The following ACACB variants were observed in gnomAD, a reference collection of about 807,000 sequenced individuals.
ACACB encodes acetyl-CoA carboxylase 2.
Under a neutral mutation model 278.8 loss-of-function variants are expected in ACACB, and 209 were observed. The ratio of observed to expected loss-of-function variants is 0.75; its 90% CI spans 0.67 to 0.84. ACACB has a LOEUF of 0.84. ACACB is among the 40% of genes least tolerant of loss of function. ACACB has a pLI of 0.00. For missense variants in ACACB, 2,850 were observed against 3,269.0 expected (o/e 0.87, Z 3.13); for synonymous variants, 1,174 against 1,285.6 (o/e 0.91, Z 1.86).
chr12:109,167,280 TAA>T, intron 3 of ACACB: 1 of 274,148 alleles, frequency 3.6e-6, no homozygotes, highest in Non-Finnish European at 6.9e-6. Flanking sequence ...ACCAAAGGAA[TAA>T]AAAAAAAATC....
chr12:109,249,349 C>A (rs1319961314), intron 40 of ACACB: 2 of 152,188 alleles, frequency 1.3e-5, no homozygotes, highest in African/African-American at 4.8e-5. Flanking sequence ...GATATTTCAG[C>A]TTTTATCTGT....
intron 1 of ACACB, among the ~76,000 whole-genome samples, chr12:109,133,901 G>GTT (rs36101609): frequency 7.5e-5 from 7 of 93,196 alleles, no homozygotes; most frequent in African/African-American, 2.9e-4. Flanking sequence ...CAGCACACAG[G>GTT]TTTTTTTTTT....
At chr12:109,122,159 A>G (rs536617886) in intron 1 of ACACB, among the ~76,000 whole-genome samples, 17 of 152,326 alleles carry the variant, frequency 1.1e-4, no homozygotes, top group African/African-American at 3.6e-4. Context: ...GGGTGCAGTG[A>G]GCAATCATTG....
chr12:109,235,292 T>C (rs1473175856), intron 31 of ACACB, 21 bp from the exon 32 acceptor site: 2 of 1,607,714 alleles, frequency 1.2e-6, no homozygotes, highest in Non-Finnish European at 1.7e-6. Context: ...TATTCCATTG[T>C]GTCTTTGGTT....
intron 11 of ACACB, among the ~76,000 whole-genome samples, chr12:109,180,630 ATTTTTGTTTTTG>A (rs2044433910): frequency 1.3e-5 from 2 of 151,424 alleles, no homozygotes; most frequent in Admixed American, 6.6e-5. Context: ...GGTGCAAGAG[ATTTTTGTTTTTG>A]TTTTTGTTTT....
At chr12:109,266,116 C>G in intron 52 of ACACB, 120 bp from the exon 53 acceptor site, 3 of 1,298,068 alleles carry the variant, frequency 2.3e-6, no homozygotes, top group Non-Finnish European at 3.1e-6. Flanking sequence ...ATGGGGACCA[C>G]AGCAGGGACT....
rs778737669 is a variant in ACACB, at chr12:109,222,829, G to A, written c.3709G>A (p.Glu1237Lys). 4 of 1,613,440 alleles carry A rather than the reference G, an allele frequency of 2.5e-6. No individual in the cohort carries two copies. The highest frequency in any genetic ancestry group is 2.2e-5 in the East Asian group (1 of 44,832). Reference sequence around the variant, plus strand: ...GATTGCCTCCCACCTCCCCTCCTACGAGCTGCGGCATAACCAGGTGGAGTC... The same window carrying A: ...GATTGCCTCCCACCTCCCCTCCTACAAGCTGCGGCATAACCAGGTGGAGTC... ...ILIASHLPSY[E>K]LRHNQVESIF... The change falls in exon 26 of 53, where the codon GAG (glutamate) becomes AAG (lysine). Residue 1237 changes from glutamate to lysine, a missense_variant. Around this residue, in one of 3 missense-constraint regions of ACACB, gnomAD observed 2,265 missense variants for 2,561.3 expected, o/e 0.88. Transcript: ENST00000338432.
intron 12 of ACACB, among the ~76,000 whole-genome samples, chr12:109,187,602 G>A (rs1303923093): frequency 4.6e-5 from 7 of 152,020 alleles, no homozygotes; most frequent in South Asian, 2.1e-4. Context: ...TGGGACTACA[G>A]GTGTGTGCCA....
At chr12:109,159,949 G>A (rs2043669753) in intron 2 of ACACB, among the ~76,000 whole-genome samples, 2 of 151,886 alleles carry the variant, frequency 1.3e-5, no homozygotes, top group African/African-American at 4.8e-5. Context: ...AATTAGCCAG[G>A]CATGGTGGCA....
At chr12:109,169,636 T>C (rs2044041724) in intron 4 of ACACB, among the ~76,000 whole-genome samples, 2 of 152,174 alleles carry the variant, frequency 1.3e-5, no homozygotes. Flanking sequence ...AAGGTGCTTC[T>C]CCCAGAGCCC....
intron 2 of ACACB, among the ~76,000 whole-genome samples, chr12:109,148,709 G>A (rs2136066452): frequency 6.6e-6 from 1 of 152,224 alleles, no homozygotes; most frequent in South Asian, 2.1e-4. Flanking sequence ...AAGGGATTAT[G>A]GACTATATAT....
intron 2 of ACACB, among the ~76,000 whole-genome samples, chr12:109,162,390 C>G (rs943894792): frequency 7.2e-5 from 11 of 152,124 alleles, no homozygotes; most frequent in African/African-American, 2.7e-4. Context: ...ATCTGTACCA[C>G]AGAACCCCCA....
intron 7 of ACACB, among the ~76,000 whole-genome samples, chr12:109,174,706 T>TA (rs34920588): frequency 0.48 from 69,822 of 144,914 alleles, 18,225 homozygotes; most frequent in Middle Eastern, 0.7. Flanking sequence ...CCAGAAAAAG[T>TA]AAAAAAAAAA....
intron 26 of ACACB, 91 bp from the exon 27 acceptor site, chr12:109,223,724 T>C (rs1392233205): frequency 4.2e-6 from 5 of 1,196,306 alleles, no homozygotes; most frequent in East Asian, 4.7e-5. Flanking sequence ...ATCACACCAC[T>C]GCACTCCAGT....
At chr12:109,190,245 C>T (rs1184250734) in intron 13 of ACACB, among the ~76,000 whole-genome samples, 4 of 152,324 alleles carry the variant, frequency 2.6e-5, no homozygotes, top group African/African-American at 7.2e-5. Context: ...CGTCCCACCA[C>T]GCCCGGCTAG....
At chr12:109,114,953 G>A (rs2042374933), upstream of ACACB, among the ~76,000 whole-genome samples, 1 of 152,160 alleles carries the variant, frequency 6.6e-6, no homozygotes, top group Admixed American at 6.6e-5. Flanking sequence ...TACCGTTCTT[G>A]TGTTTGATGG....
intron 18 of ACACB, among the ~76,000 whole-genome samples, chr12:109,200,120 A>G (rs1453390539): frequency 3.3e-5 from 5 of 152,060 alleles, no homozygotes; most frequent in Non-Finnish European, 7.4e-5. Flanking sequence ...TACAGAGAAT[A>G]TGGAAACTCT....
intron 1 of ACACB, among the ~76,000 whole-genome samples, chr12:109,122,382 G>A (rs967522306): frequency 6.6e-6 from 1 of 152,072 alleles, no homozygotes; most frequent in Non-Finnish European, 1.5e-5. Context: ...AGGCCAAGGC[G>A]GGAGGATTGC....
At chr12:109,227,898 TG>T (rs1406321727) in intron 28 of ACACB, among the ~76,000 whole-genome samples, 1 of 151,384 alleles carries the variant, frequency 6.6e-6, no homozygotes, top group African/African-American at 2.4e-5. Context: ...CCGGGCGTGG[TG>T]GCACATGCCT....
Sources: gnomAD v4.1 joint callset for allele counts (sites outside exome capture counted in the v4.1 genomes callset) on GRCh38, gnomAD v4.1.1 for gene constraint, gnomAD v4.1.1 regional missense constraint, MANE v1.5 for transcripts, NCBI Gene and HGNC (gene_info 2026-07-23, HGNC 2026-07-21) for gene names.